Variants in COL4A5 observed in about 807,000 individuals in gnomAD.
COL4A5 encodes the protein collagen type IV alpha 5 chain.
A neutral mutation model predicts 130.2 loss-of-function variants in COL4A5; 26 were observed. The observed-to-expected ratio is 0.20, with a 90% CI of 0.15 to 0.28. The LOEUF (loss-of-function observed/expected upper bound fraction) is 0.28. COL4A5 is among the 10% of genes least tolerant of loss of function. COL4A5 has a pLI of 1.00. For missense variants in COL4A5, 1,131 were observed against 1,344.3 expected, an observed-to-expected ratio of 0.84 and a Z score of 2.48; for synonymous variants, 496 against 439.6, an observed-to-expected ratio of 1.13 and a Z score of -1.60.
intron 1 of COL4A5, among the ~76,000 whole-genome samples, chrX:108,522,060 G>C (rs1404238661): frequency 9.0e-6 from 1 of 110,807 alleles, no homozygotes; most frequent in Non-Finnish European, 1.9e-5. Context: ...ATCATGCAAC[G>C]TGTGGTATTT....
At chrX:108,559,217 G>C in intron 3 of COL4A5, 64 bp downstream of exon 3, 2 of 856,523 alleles carry the variant, frequency 2.3e-6, no homozygotes, top group Non-Finnish European at 3.5e-6. Context: ...GTGGGACTAG[G>C]TGTCACATCA....
intron 36 of COL4A5, among the ~76,000 whole-genome samples, chrX:108,634,423 A>C (rs959428038): frequency 1.8e-5 from 2 of 111,463 alleles, no homozygotes; most frequent in Admixed American, 9.6e-5. Flanking sequence ...GATGTCACAG[A>C]GGAAGTGTTG....
intron 1 of COL4A5, among the ~76,000 whole-genome samples, chrX:108,509,795 C>G (rs2065163132): frequency 8.9e-6 from 1 of 111,829 alleles, no homozygotes; most frequent in Non-Finnish European, 1.9e-5. Context: ...CCCAGCAATC[C>G]CATTACTGGG....
intron 1 of COL4A5, among the ~76,000 whole-genome samples, chrX:108,486,314 G>GT (rs1480248543): frequency 2.7e-5 from 3 of 111,389 alleles, no homozygotes; most frequent in African/African-American, 6.5e-5. Flanking sequence ...TATGAAGATG[G>GT]TTTTTTGTGT....
chrX:108,685,980 AGAT>A (rs749774759), intron 47 of COL4A5, 48 bp from the exon 48 acceptor site: 104 of 1,012,707 alleles, frequency 1.0e-4, no homozygotes, highest in Admixed American at 4.2e-4. Context: ...AGATCTGTCC[AGAT>A]GTGAAAATAT....
rs185049248 is a variant in COL4A5 at position 108,647,466 on chromosome X, T to G, written c.3247-7865T>G. Among the ~76,000 whole-genome samples the G allele has an allele frequency of 1.0e-3, 112 of 111,794 alleles. 2 individuals are homozygous for G. The highest frequency in any genetic ancestry group is 8.8e-3 in the Admixed American group (93 of 10,527). On this transcript the variant is annotated intron_variant, in intron 36 of 52. Coordinates refer to ENST00000328300, the MANE Select transcript of COL4A5 (RefSeq NM_033380.3). ...GACTTTGCTGAAGTTGCTTATCAGC[T>G]TAAGGAGATTTGGGGCTGAGACGAT...
intron 1 of COL4A5, among the ~76,000 whole-genome samples, chrX:108,526,648 CTTTCTTTCTTTCT>C (rs1350585526): frequency 1.9e-5 from 1 of 52,210 alleles, no homozygotes; most frequent in Non-Finnish European, 3.1e-5. Context: ...TTCTTTCTTT[CTTTCTTTCTTTCT>C]TCTTTCTTTC....
chrX:108,448,874 A>G (rs1317236020), intron 1 of COL4A5, among the ~76,000 whole-genome samples: 2 of 111,598 alleles, frequency 1.8e-5, no homozygotes, highest in Non-Finnish European at 3.8e-5. Context: ...TCTGCCTATC[A>G]ACTTGCCCTC....
At chrX:108,476,956 C>G (rs1283828879) in intron 1 of COL4A5, among the ~76,000 whole-genome samples, 1 of 111,333 alleles carries the variant, frequency 9.0e-6, no homozygotes, top group Non-Finnish European at 1.9e-5. Flanking sequence ...AGTTGGGGTT[C>G]TCTTAGAGGG....
At chrX:108,475,763 C>T (rs1268119643) in intron 1 of COL4A5, among the ~76,000 whole-genome samples, 1 of 111,184 alleles carries the variant, frequency 9.0e-6, no homozygotes, top group African/African-American at 3.3e-5. Flanking sequence ...CAATTGATCG[C>T]AAAAACTGAT....
In COL4A5 at chrX:108,591,185, T is replaced by G. The variant is rs772323190; in HGVS notation, c.1293T>G (p.Pro431=). Residue 431 remains proline (P), a synonymous_variant, in exon 20 of 53, where the codon CCT becomes CCG. Transcript: ENST00000328300. ...GACTTGACGGACAGCCTGGGGCTCC[T>G]GGGCTTCCAGGGCCTCCTGGCCCTG... is the stretch of plus-strand genomic sequence containing the variant. ...PPGLDGQPGA[P]GLPGPPGPAG... 1 of 1,210,644 alleles carries G rather than the reference T, an allele frequency of 8.3e-7. No individual in the cohort carries two copies. The highest frequency in any genetic ancestry group is 3.0e-5 in the East Asian group (1 of 33,841).
chrX:108,605,563 CAG>C (rs1225491862), intron 28 of COL4A5, among the ~76,000 whole-genome samples: 4 of 112,125 alleles, frequency 3.6e-5, no homozygotes, highest in Non-Finnish European at 7.5e-5. Flanking sequence ...AAATGTGACA[CAG>C]AGACAAAAAG....
chrX:108,616,223 T>TTTG (rs1230376416), intron 30 of COL4A5, among the ~76,000 whole-genome samples: 80 of 110,206 alleles, frequency 7.3e-4, no homozygotes, highest in African/African-American at 2.5e-3. Context: ...CTGTTTTTTT[T>TTTG]TTGTTGTTGT....
Position 108,665,585 on chromosome X carries a change from T to C in COL4A5, c.3452T>C (p.Val1151Ala), listed in dbSNP as rs760413269. The C allele has an allele frequency of 2.5e-6, 3 of 1,177,401 alleles. No individual in the cohort carries two copies. In the South Asian group the frequency reaches 5.4e-5, roughly 21 times the overall value. ...GGCCTTCCAGGAGAACCTGGTCCTGTAGGTAAGCATGAAAAATAACAGTTT... is the reference window on the plus strand; with the variant it reads ...GGCCTTCCAGGAGAACCTGGTCCTGCAGGTAAGCATGAAAAATAACAGTTT... ...NPGLPGEPGP[V>A]GGGGHPGQPG... Residue 1151 changes from valine to alanine, a missense_variant and splice_region_variant, in exon 38 of 53, where the codon GTA becomes GCA. Physicochemically the swap from Val to Ala is moderately conservative, Grantham distance 64. Transcript: ENST00000328300.
chrX:108,609,083 A>G (rs948374241), intron 29 of COL4A5, among the ~76,000 whole-genome samples: 4 of 111,960 alleles, frequency 3.6e-5, no homozygotes, highest in Admixed American at 1.9e-4. Context: ...CTATGAGTGA[A>G]GCTGTTAAAG....
At chrX:108,493,153 G>A (rs1265861470) in intron 1 of COL4A5, among the ~76,000 whole-genome samples, 1 of 111,576 alleles carries the variant, frequency 9.0e-6, no homozygotes, top group Non-Finnish European at 1.9e-5. Flanking sequence ...TAAAGACTTA[G>A]CAAAGGGCCA....
intron 2 of COL4A5, among the ~76,000 whole-genome samples, chrX:108,555,229 G>A (rs182577773): frequency 8.9e-6 from 1 of 111,872 alleles, no homozygotes; most frequent in South Asian, 3.7e-4. Flanking sequence ...TCTAACTCTG[G>A]TGTCAGGGCC....
intron 34 of COL4A5, among the ~76,000 whole-genome samples, chrX:108,624,550 C>A (rs991067602): frequency 9.1e-6 from 1 of 109,356 alleles, no homozygotes; most frequent in Non-Finnish European, 2.0e-5. Flanking sequence ...CTTGATTATT[C>A]AGTTTCTTCT....
chrX:108,576,060 A>G lies in COL4A5; in HGVS notation c.609+88A>G. 3 of 579,468 alleles carry G rather than the reference A, an allele frequency of 5.2e-6. No individual in the cohort carries two copies. The South Asian group carries it at 8.2e-5, about 16-fold the overall frequency. 47.8% of individuals were successfully genotyped at this position (579,468 alleles called of 1,213,427 possible). On this transcript the variant is annotated intron_variant, in intron 10 of 52. Transcript: ENST00000328300. ...AATATTATTTATAATACTTGAAAACATAATGCATTCTCAACATTCATAATT... is the reference window on the plus strand; with the variant it reads ...AATATTATTTATAATACTTGAAAACGTAATGCATTCTCAACATTCATAATT...
Sources: allele counts gnomAD v4.1 joint callset (sites outside exome capture counted in the v4.1 genomes callset), GRCh38; gene constraint gnomAD v4.1.1; transcripts MANE v1.5; gene names NCBI Gene and HGNC (gene_info 2026-07-23, HGNC 2026-07-21).